ADIPOR2: variants seen among roughly 807,000 people sequenced by gnomAD.
ADIPOR2 encodes the protein adiponectin receptor 2, also known as adiponectin receptor protein 2.
A neutral mutation model predicts 40.9 loss-of-function variants in ADIPOR2; 18 were observed. The ratio of observed to expected loss-of-function variants is 0.44; its 90% CI spans 0.30 to 0.65. ADIPOR2 has a LOEUF of 0.65. ADIPOR2 is among the 30% of genes least tolerant of loss of function. The probability of loss-of-function intolerance (pLI) is 0.09; values close to 1 mark genes in which losing one functional copy is unlikely to be tolerated. For synonymous variants in ADIPOR2, 165 were observed against 166.4 expected, an observed-to-expected ratio of 0.99 and a Z score of 0.06; for missense variants, 283 against 479.2, an observed-to-expected ratio of 0.59 and a Z score of 3.82.
In ADIPOR2 at chr12:1,780,475, G is replaced by C. The variant is rs763047459; in HGVS notation, c.488G>C (p.Gly163Ala). The change falls in exon 5 of 8, where the codon GGG (glycine) becomes GCG (alanine). Residue 163 changes from glycine (G) to alanine (A), a missense_variant. Around this residue, in one of 3 missense-constraint regions of ADIPOR2, gnomAD observed 112 missense variants for 249.5 expected, o/e 0.45. Transcript: ENST00000357103. The stretch of plus-strand genomic sequence containing the variant: ...GGTTGTGTATTCTTCCTGTGCCTGG[G>C]GATCTTTTATATGTTTCGCCCAAAT... ...LLGCVFFLCL[G>A]IFYMFRPNIS... The C allele has an allele frequency of 4.3e-6, 7 of 1,611,156 alleles. No individual in the cohort carries two copies. The South Asian group carries it at 7.7e-5, about 18-fold the overall frequency.
rs187521934 is a variant in ADIPOR2 at position 1,786,398 on chromosome 12, A to G, written c.*326A>G. 3.3e-5 allele frequency: 8 copies of G among 239,234 alleles called. No individual in the cohort carries two copies. Among genetic ancestry groups the G allele is most frequent in the Admixed American group, 3.0e-4 (6 of 19,848 alleles). The allele number at this position is 239,234 out of a possible 1,614,324, so 14.8% of individuals were successfully genotyped here. The stretch of plus-strand genomic sequence containing the variant: ...TCCATATCATATTTATTTGTAGAAG[A>G]TGGCGAAACAGTTTAGCTGGTGGTT... On this transcript the variant is annotated 3_prime_UTR_variant, in exon 8 of 8. Coordinates refer to ENST00000357103, the MANE Select transcript of ADIPOR2 (RefSeq NM_024551.3).
intron 1 of ADIPOR2, among the ~76,000 whole-genome samples, chr12:1,750,099 T>G (rs1288978013): frequency 6.6e-6 from 1 of 152,060 alleles, no homozygotes; most frequent in Admixed American, 6.6e-5. Context: ...CTCTTGTATT[T>G]GTTTAGATTT....
chr12:1,703,654 C>A (rs1031854350), intron 1 of ADIPOR2, among the ~76,000 whole-genome samples: 1 of 151,906 alleles, frequency 6.6e-6, no homozygotes, highest in Non-Finnish European at 1.5e-5. Flanking sequence ...GAGGTCAAGG[C>A]TGCAGTGAGC....
intron 1 of ADIPOR2, among the ~76,000 whole-genome samples, chr12:1,731,548 C>T (rs1185015210): frequency 2.0e-5 from 3 of 152,194 alleles, no homozygotes; most frequent in Non-Finnish European, 4.4e-5. Context: ...TTCTATTACA[C>T]TTTCTGACGC....
chr12:1,785,388 C>G (rs1233828590), intron 7 of ADIPOR2, among the ~76,000 whole-genome samples: 2 of 152,168 alleles, frequency 1.3e-5, no homozygotes, highest in Non-Finnish European at 2.9e-5. Context: ...ATTTGAGAAT[C>G]GTAGCACTGA....
At position 1,786,189 on chromosome 12, in the gene ADIPOR2, G is replaced by C; in HGVS notation, c.*117G>C. Reference sequence around the variant, plus strand: ...GCCCCAAAACTTTGACAGCCTCGTGGGCTTTGTGACGGCCCAGTGGCTCTG... The same window carrying C: ...GCCCCAAAACTTTGACAGCCTCGTGCGCTTTGTGACGGCCCAGTGGCTCTG... On this transcript the variant is annotated 3_prime_UTR_variant, in exon 8 of 8. Coordinates refer to ENST00000357103, the MANE Select transcript of ADIPOR2 (RefSeq NM_024551.3). 1 of 1,415,666 alleles carries C rather than the reference G, an allele frequency of 7.1e-7. No homozygotes were observed. Among genetic ancestry groups the C allele is most frequent in the Non-Finnish European group, 9.5e-7 (1 of 1,048,380 alleles). The allele number at this position is 1,415,666 out of a possible 1,614,324, so 87.7% of individuals were successfully genotyped here. A position where few individuals can be genotyped will look rare whatever the true frequency, so the allele number is the denominator to read the frequency against.
intron 1 of ADIPOR2, chr12:1,730,580 G>C (rs2094717904): frequency 7.0e-6 from 1 of 143,538 alleles, no homozygotes; most frequent in African/African-American, 2.6e-5. Context: ...TAGTGCTACT[G>C]CACTCCAGCC....
intron 1 of ADIPOR2, among the ~76,000 whole-genome samples, chr12:1,710,056 C>T (rs1335734250): frequency 2.0e-5 from 3 of 152,246 alleles, no homozygotes; most frequent in Non-Finnish European, 2.9e-5. Flanking sequence ...TTGTAAAATG[C>T]GCCAATCAGC....
chr12:1,757,174 C>T, intron 2 of ADIPOR2: 1 of 312,500 alleles, frequency 3.2e-6, no homozygotes, highest in Middle Eastern at 4.2e-4. Context: ...TTCTGTTTAT[C>T]ATGCTACATT....
chr12:1,691,624 G>T (rs1231318206), intron 1 of ADIPOR2, among the ~76,000 whole-genome samples: 1 of 152,208 alleles, frequency 6.6e-6, no homozygotes, highest in Non-Finnish European at 1.5e-5. Context: ...GGAGGCTTGG[G>T]ATGGGCTCTC....
At chr12:1,751,380 G>A (rs1012837597) in intron 1 of ADIPOR2, among the ~76,000 whole-genome samples, 1 of 152,264 alleles carries the variant, frequency 6.6e-6, no homozygotes, top group Non-Finnish European at 1.5e-5. Flanking sequence ...TTACTGGAGA[G>A]TTGATTTTCT....
At chr12:1,773,276 T>C (rs1050510554) in intron 3 of ADIPOR2, among the ~76,000 whole-genome samples, 3 of 152,242 alleles carry the variant, frequency 2.0e-5, no homozygotes, top group Non-Finnish European at 4.4e-5. Flanking sequence ...TCAGAAGTGG[T>C]TGACGCCTGG....
chr12:1,727,978 T>C (rs967894141), intron 1 of ADIPOR2, among the ~76,000 whole-genome samples: 9 of 152,188 alleles, frequency 5.9e-5, no homozygotes, highest in African/African-American at 2.2e-4. Context: ...CCCAGAGATA[T>C]TGAAGGACAG....
chr12:1,713,263 AG>A (rs2094681201), intron 1 of ADIPOR2, among the ~76,000 whole-genome samples: 1 of 152,166 alleles, frequency 6.6e-6, no homozygotes, highest in Non-Finnish European at 1.5e-5. Context: ...TTGAGAGAAC[AG>A]GGTATAGGGC....
intron 1 of ADIPOR2, among the ~76,000 whole-genome samples, chr12:1,707,289 T>C (rs1006315908): frequency 1.3e-5 from 2 of 152,318 alleles, no homozygotes; most frequent in South Asian, 4.1e-4. Flanking sequence ...AGGAGTAGAA[T>C]AGCTGAGTCA....
intron 1 of ADIPOR2, among the ~76,000 whole-genome samples, chr12:1,727,513 C>T (rs998767738): frequency 6.6e-6 from 1 of 152,148 alleles, no homozygotes; most frequent in African/African-American, 2.4e-5. Flanking sequence ...TCTCTGGTCT[C>T]TCCAGAAGTC....
chr12:1,760,318 A>AT (rs764834841), intron 2 of ADIPOR2, among the ~76,000 whole-genome samples: 48 of 151,214 alleles, frequency 3.2e-4, no homozygotes, highest in Admixed American at 2.4e-3. Flanking sequence ...CTCTTAAAAC[A>AT]TTTTTTTTTG....
intron 1 of ADIPOR2, among the ~76,000 whole-genome samples, chr12:1,726,854 C>G (rs546662710): frequency 5.9e-4 from 90 of 152,200 alleles, no homozygotes; most frequent in Non-Finnish European, 8.5e-4. Flanking sequence ...ATTATTGTTC[C>G]GCTTTGAATT....
In ADIPOR2 at chr12:1,707,758, C is replaced by G. The variant is rs191928154; in HGVS notation, c.-87+16567C>G. Among the ~76,000 whole-genome samples, 4 of 152,286 alleles carry G rather than the reference C, an allele frequency of 2.6e-5. No individual in the cohort carries two copies. In the East Asian group the frequency reaches 7.7e-4, roughly 29 times the overall value. Reference sequence around the variant, plus strand: ...AAAGTGCTGGGATTATAGGTGTCAGCCACCATGCCTTGCCTTATTTGCATT... The same window carrying G: ...AAAGTGCTGGGATTATAGGTGTCAGGCACCATGCCTTGCCTTATTTGCATT... On this transcript the variant is annotated intron_variant, in intron 1 of 7. Coordinates refer to ENST00000357103, the MANE Select transcript of ADIPOR2 (RefSeq NM_024551.3).
Sources: gnomAD v4.1 joint callset for allele counts (sites outside exome capture counted in the v4.1 genomes callset) on GRCh38, gnomAD v4.1.1 for gene constraint, gnomAD v4.1.1 regional missense constraint, MANE v1.5 for transcripts, NCBI Gene and HGNC (gene_info 2026-07-23, HGNC 2026-07-21) for gene names.